DNAH17: variants seen among roughly 807,000 people sequenced by gnomAD.
The protein encoded by DNAH17 is dynein axonemal heavy chain 17.
DNAH17 carries 376 observed loss-of-function variants against 485.6 expected under a neutral mutation model. The ratio of observed to expected loss-of-function variants is 0.77; its 90% CI spans 0.71 to 0.84. DNAH17 has a LOEUF of 0.84. Among genes scored for constraint, DNAH17 ranks in the 40% least tolerant of loss-of-function variants. DNAH17 has a pLI of 0.00. For missense variants in DNAH17, 6,370 were observed against 5,839.3 expected (o/e 1.09, Z -2.96); for synonymous variants, 3,031 against 2,405.9 (o/e 1.26, Z -7.60).
chr17:78,479,632 G>A lies in DNAH17; in HGVS notation c.7753C>T (p.Arg2585Cys), dbSNP rs746104583. 2.5e-6 allele frequency: 4 copies of A among 1,612,766 alleles called. No individual in the cohort carries two copies. Among genetic ancestry groups the A allele is most frequent in the East Asian group, 2.2e-5 (1 of 44,872 alleles). Residue 2585 changes from arginine (R) to cysteine (C), a missense_variant and splice_region_variant, in exon 50 of 81, where the codon CGC (arginine) becomes TGC (cysteine). By Grantham distance (180) the Arg-to-Cys change is radical. Coordinates refer to ENST00000389840, the MANE Select transcript of DNAH17 (RefSeq NM_173628.4). ...CTCACAGCAAACACGCAGAAATGGC[G>A]CTACCCCAAAACAACCAAACACTCC... ...GSFTIDSRLQRHFCVFAVSFP... is the reference protein window; with the variant it reads ...GSFTIDSRLQCHFCVFAVSFP...
Position 78,459,131 on chromosome 17 carries a change from CAGG to C in DNAH17, c.9728_9730del (p.Ser3243del). On this transcript the variant is annotated inframe_deletion, in exon 61 of 81. Coordinates refer to ENST00000389840, the MANE Select transcript of DNAH17 (RefSeq NM_173628.4). ...GTAGAAGCGGACGATGTTGATGCAC[CAGG>C]AGCACAGGCCGGCGGCGGCCGTGGA... The C allele has an allele frequency of 6.2e-7, 1 of 1,614,024 alleles. No individual in the cohort carries two copies.
chr17:78,464,352 C>T (rs778098136), intron 56 of DNAH17, among the ~76,000 whole-genome samples: 5 of 152,182 alleles, frequency 3.3e-5, no homozygotes, highest in African/African-American at 7.2e-5. Context: ...TTCCGCCTCC[C>T]GGGTTCAAGT....
In DNAH17 at chr17:78,439,191, T is replaced by C. The variant is rs1175854512; in HGVS notation, c.11704A>G (p.Asn3902Asp). Residue 3902 changes from asparagine (N) to aspartate (D), a missense_variant, in exon 73 of 81, where the codon AAT (asparagine) becomes GAT (aspartate). Physicochemically the swap from Asn to Asp is conservative, Grantham distance 23 (BLOSUM62 1). Transcript: ENST00000389840. ...AGGGACACATTATGGAGTTTTCCAT[T>C]GTCTATGGTAAACCCTAGTTTTTTT... is the stretch of plus-strand genomic sequence containing the variant. Reference protein sequence around the residue: ...LGKKLGFTIDNGKLHNVSLGQ... With the variant: ...LGKKLGFTIDDGKLHNVSLGQ... 4 of 1,610,288 alleles carry C rather than the reference T, an allele frequency of 2.5e-6. No homozygotes were observed. The highest frequency in any genetic ancestry group is 2.2e-5 in the South Asian group (2 of 90,220).
At chr17:78,565,443 A>G (rs2092247528) in intron 11 of DNAH17, among the ~76,000 whole-genome samples, 1 of 152,264 alleles carries the variant, frequency 6.6e-6, no homozygotes, top group Non-Finnish European at 1.5e-5. Flanking sequence ...GCAAAGGAAC[A>G]TCCTGACGTT....
At chr17:78,513,135 C>T (rs1403532023) in intron 26 of DNAH17, among the ~76,000 whole-genome samples, 3 of 151,694 alleles carry the variant, frequency 2.0e-5, no homozygotes, top group Non-Finnish European at 2.9e-5. Context: ...CAAAGTAAAC[C>T]GGAAAAATGA....
rs755509291 is a variant in DNAH17 at position 78,529,506 on chromosome 17, T to C, written c.3473A>G (p.Glu1158Gly). 1 of 1,613,736 alleles carries C rather than the reference T, an allele frequency of 6.2e-7. No homozygotes were observed. The highest frequency in any genetic ancestry group is 8.5e-7 in the Non-Finnish European group (1 of 1,179,886). The stretch of plus-strand genomic sequence containing the variant: ...CAAGTGGATCTCCTCTGGCATCTCC[T>C]CCCCGTAGGTCTTGAGCAGCTCGAT... The part of the protein sequence containing the change: ...QTIELLKTYG[E>G]EMPEEIHLKL... Residue 1158 changes from glutamate (E) to glycine (G), a missense_variant, in exon 22 of 81, where the codon GAG becomes GGG. Coordinates refer to ENST00000389840, the MANE Select transcript of DNAH17 (RefSeq NM_173628.4).
At chr17:78,492,853 TG>T in intron 41 of DNAH17, 88 bp from the exon 42 acceptor site, 4 of 1,142,608 alleles carry the variant, frequency 3.5e-6, no homozygotes, top group Non-Finnish European at 4.6e-6. Context: ...TGGGCCTGGA[TG>T]GTTTTTTTTT....
At chr17:78,426,852 G>A in intron 78 of DNAH17, 74 bp downstream of exon 78, 1 of 1,529,714 alleles carries the variant, frequency 6.5e-7, no homozygotes, top group Non-Finnish European at 8.9e-7. Context: ...CTAGGCCTGG[G>A]TTGCCAGAGG....
At chr17:78,513,504 C>T (rs535513321) in intron 26 of DNAH17, among the ~76,000 whole-genome samples, 22 of 152,246 alleles carry the variant, frequency 1.4e-4, no homozygotes, top group South Asian at 6.2e-4. Context: ...GGCATGATCT[C>T]GGCTCACTGC....
At chr17:78,553,573 T>G (rs990455571) in intron 14 of DNAH17, among the ~76,000 whole-genome samples, 1 of 151,916 alleles carries the variant, frequency 6.6e-6, no homozygotes, top group Non-Finnish European at 1.5e-5. Flanking sequence ...AAGTCCCAGG[T>G]GTCAAGTATT....
rs1372416503 is a variant in DNAH17, at chr17:78,552,941, G to A, written c.2179-136C>T. 28 of 660,604 alleles carry A rather than the reference G, an allele frequency of 4.2e-5. No individual in the cohort carries two copies. The East Asian group carries it at 6.5e-4, about 15-fold the overall frequency. 40.9% of individuals were successfully genotyped at this position (660,604 alleles called of 1,614,324 possible). ...CCCCACTCAGGTCTCATGTTGAATT[G>A]TAATCCCCAGTGTTGGAGGTGGGGC... On this transcript the variant is annotated intron_variant, in intron 14 of 80. Coordinates refer to ENST00000389840, the MANE Select transcript of DNAH17 (RefSeq NM_173628.4).
intron 56 of DNAH17, among the ~76,000 whole-genome samples, chr17:78,464,949 G>A (rs562150395): frequency 1.1e-4 from 17 of 152,238 alleles, no homozygotes; most frequent in South Asian, 1.0e-3. Context: ...CTCACTTATC[G>A]CTCTCCCTCT....
intron 30 of DNAH17, 112 bp downstream of exon 30, chr17:78,506,608 G>A (rs1471327039): frequency 1.4e-6 from 2 of 1,480,998 alleles, no homozygotes; most frequent in Non-Finnish European, 1.8e-6. Context: ...TGGAGATGAT[G>A]GGGCACGTCC....
At chr17:78,524,229 C>T (rs1252002252) in intron 25 of DNAH17, among the ~76,000 whole-genome samples, 7 of 152,138 alleles carry the variant, frequency 4.6e-5, no homozygotes, top group Non-Finnish European at 1.0e-4. Context: ...CCTCTGCCTC[C>T]CAGGTTCAAG....
chr17:78,524,982 C>T, intron 25 of DNAH17, 27 bp downstream of exon 25: 2 of 1,586,540 alleles, frequency 1.3e-6, no homozygotes, highest in Non-Finnish European at 1.7e-6. Context: ...TCCCGGGCCC[C>T]ACCCACGCGG....
chr17:78,575,069 C>CT lies in DNAH17; in HGVS notation c.-13dup. The CT allele has an allele frequency of 6.2e-7, 1 of 1,605,180 alleles. No homozygotes were observed. The highest frequency in any genetic ancestry group is 2.2e-5 in the East Asian group (1 of 44,726). On this transcript the variant is annotated 5_prime_UTR_variant, in exon 2 of 81. Transcript: ENST00000389840. ...GGGGCCATTGTCATCTTGGCCTTTC[C>CT]TTACACTGTGTATCTGTTAAGAGTG...
intron 16 of DNAH17, among the ~76,000 whole-genome samples, chr17:78,548,202 C>CTTT (rs34701814): frequency 0.011 from 843 of 80,050 alleles, 113 homozygotes; most frequent in African/African-American, 0.041. Flanking sequence ...ATGTCATGGC[C>CTTT]TTTTTTTTTT....
chr17:78,505,583 A>G, intron 30 of DNAH17, 138 bp from the exon 31 acceptor site: 2 of 1,141,358 alleles, frequency 1.8e-6, no homozygotes, highest in African/African-American at 1.5e-5. Flanking sequence ...TTGACTAAAC[A>G]TGACTAAGTC....
At chr17:78,555,593 A>G (rs1414755930) in intron 14 of DNAH17, among the ~76,000 whole-genome samples, 2 of 151,100 alleles carry the variant, frequency 1.3e-5, no homozygotes, top group Non-Finnish European at 2.9e-5. Flanking sequence ...AAGAGAAGGC[A>G]TCAGTGTGAT....
Sources: allele counts gnomAD v4.1 joint callset (sites outside exome capture counted in the v4.1 genomes callset), GRCh38; gene constraint gnomAD v4.1.1; transcripts MANE v1.5; gene names NCBI Gene and HGNC (gene_info 2026-07-23, HGNC 2026-07-21).